The following HDLBP variants were observed in gnomAD, a reference collection of about 807,000 sequenced individuals.
HDLBP encodes the protein high density lipoprotein binding protein, also known as vigilin.
Under a neutral mutation model 137.3 loss-of-function variants are expected in HDLBP, and 30 were observed. That is an observed-to-expected ratio of 0.22 (90% CI 0.16 to 0.30). The LOEUF is 0.30. Ranked by LOEUF, HDLBP falls within the 10% of genes least tolerant of loss-of-function variation. HDLBP has a pLI of 1.00. For missense variants in HDLBP, 1,119 were observed against 1,667.3 expected (o/e 0.67, Z 5.73); for synonymous variants, 606 against 596.0 (o/e 1.02, Z -0.24).
intron 2 of HDLBP, among the ~76,000 whole-genome samples, chr2:241,268,226 A>G (rs2073823123): frequency 6.6e-6 from 1 of 152,262 alleles, no homozygotes; most frequent in Non-Finnish European, 1.5e-5. Context: ...CTGAATAAAC[A>G]TAATTCACAT....
chr2:241,248,191 G>A, intron 13 of HDLBP, 53 bp downstream of exon 13: 1 of 1,550,658 alleles, frequency 6.4e-7, no homozygotes, highest in Non-Finnish European at 8.9e-7. Flanking sequence ...TATTCCTGAA[G>A]TGTGACTTGG....
At chr2:241,279,965 G>C in intron 1 of HDLBP, 1 of 985,410 alleles carries the variant, frequency 1.0e-6, no homozygotes, top group Non-Finnish European at 1.2e-6. Flanking sequence ...CGCTGCAGTG[G>C]AGCCATGCTG....
At chr2:241,235,058 C>A in intron 23 of HDLBP, 63 bp downstream of exon 23, 1 of 1,581,604 alleles carries the variant, frequency 6.3e-7, no homozygotes. Context: ...TCCCTAGATT[C>A]TGACATGTGC....
intron 1 of HDLBP, among the ~76,000 whole-genome samples, chr2:241,280,622 G>A (rs533670258): frequency 3.5e-4 from 54 of 152,208 alleles, no homozygotes; most frequent in South Asian, 3.5e-3. Flanking sequence ...TGTTTTATCC[G>A]AGTCATTATA....
At position 241,238,106 on chromosome 2, in the gene HDLBP, G is replaced by C. The variant is rs1049397602; in HGVS notation, c.2749+543C>G. Among the ~76,000 whole-genome samples the C allele has an allele frequency of 3.3e-5, 5 of 152,240 alleles. No homozygotes were observed. The highest frequency in any genetic ancestry group is 7.3e-5 in the Non-Finnish European group (5 of 68,044). On this transcript the variant is annotated intron_variant, in intron 20 of 27. Transcript: ENST00000310931. This position sits in a 1 kb window ranked among gnomAD's most constrained non-coding sequence, Gnocchi z 4.9. Reference sequence around the variant, plus strand: ...TTTCACAAATGCAGAGCAAGTGAGAGAGAGGCAACCGACCCGCATCCCACA... The same window carrying C: ...TTTCACAAATGCAGAGCAAGTGAGACAGAGGCAACCGACCCGCATCCCACA...
intron 2 of HDLBP, chr2:241,267,835 C>G: frequency 6.9e-7 from 1 of 1,442,580 alleles, no homozygotes; most frequent in East Asian, 2.6e-5. Context: ...GGACAGAACT[C>G]GCACAGCAGG....
rs189391910 is a variant in HDLBP at position 241,267,243 on chromosome 2, A to C, written c.-37-337T>G. 3.6e-3 allele frequency among the ~76,000 whole-genome samples: 548 copies of C among 152,280 alleles called. 2 individuals are homozygous for C. Among genetic ancestry groups the C allele is most frequent in the Non-Finnish European group, 5.0e-3 (343 of 68,016 alleles). On this transcript the variant is annotated intron_variant, in intron 2 of 27. Transcript: ENST00000310931. The stretch of plus-strand genomic sequence containing the variant: ...AACAAAACAAAACAAACAAAAAAAA[A>C]CCTCATGTTTTAAGAAAGTTTAAGA...
chr2:241,295,646 T>C (rs919876351), intron 1 of HDLBP, among the ~76,000 whole-genome samples: 5 of 152,178 alleles, frequency 3.3e-5, no homozygotes, highest in African/African-American at 1.2e-4. Context: ...AGATAGGGAA[T>C]CCCAATCCCT....
intron 1 of HDLBP, among the ~76,000 whole-genome samples, chr2:241,290,361 A>G (rs1392749703): frequency 6.6e-6 from 1 of 152,206 alleles, no homozygotes. Flanking sequence ...CTGTAATCCC[A>G]GCACCTTGAA....
chr2:241,251,450 C>T, intron 11 of HDLBP, among the ~76,000 whole-genome samples: 1 of 152,318 alleles, frequency 6.6e-6, no homozygotes, highest in South Asian at 2.1e-4. Context: ...AGCACAGCTG[C>T]CAAGGCTATG....
At chr2:241,287,836 AG>A (rs151134192) in intron 1 of HDLBP, among the ~76,000 whole-genome samples, 17 of 152,388 alleles carry the variant, frequency 1.1e-4, no homozygotes, top group African/African-American at 3.8e-4. Context: ...GCAAAAGGAC[AG>A]GAAGTCCAGA....
In HDLBP at chr2:241,272,698, G is replaced by A. The variant is rs1574995702; in HGVS notation, c.-102-4157C>T. The A allele has an allele frequency of 3.7e-6, 2 of 538,402 alleles. No individual in the cohort carries two copies. The highest frequency in any genetic ancestry group is 2.1e-6 in the Non-Finnish European group (1 of 486,938). 33.4% of individuals were successfully genotyped at this position (538,402 alleles called of 1,614,324 possible). A position where few individuals can be genotyped will look rare whatever the true frequency, so the allele number is the denominator to read the frequency against. On this transcript the variant is annotated intron_variant, in intron 1 of 27. Transcript: ENST00000310931. The surrounding 1 kb of genome is among the most constrained non-coding windows in gnomAD (Gnocchi z 5.6). ...GCAGCCACCCCCCACCCCCCCGCCC[G>A]GCAGCCCGCCCGCCCCGTCCGCCCG...
At chr2:241,268,412 T>C in intron 2 of HDLBP, 65 bp downstream of exon 2, 3 of 959,334 alleles carry the variant, frequency 3.1e-6, no homozygotes, top group Non-Finnish European at 3.7e-6. Flanking sequence ...AAAATACGCA[T>C]CCCTGCGCCC....
At chr2:241,258,262 G>A (rs965701195) in intron 5 of HDLBP, among the ~76,000 whole-genome samples, 1 of 151,162 alleles carries the variant, frequency 6.6e-6, no homozygotes, top group Non-Finnish European at 1.5e-5. Context: ...CAGGCGAATG[G>A]CGTGAACCCG....
At chr2:241,251,649 G>A (rs987997242) in intron 11 of HDLBP, among the ~76,000 whole-genome samples, 6 of 152,194 alleles carry the variant, frequency 3.9e-5, no homozygotes, top group Non-Finnish European at 5.9e-5. Flanking sequence ...GAGTGTGTGA[G>A]TATAGCCATA....
intron 3 of HDLBP, among the ~76,000 whole-genome samples, chr2:241,265,133 T>C (rs1320199318): frequency 6.6e-6 from 1 of 152,204 alleles, no homozygotes; most frequent in Non-Finnish European, 1.5e-5. Flanking sequence ...ATGATTGCCG[T>C]GGAGGCCGGG....
chr2:241,298,045 C>CAAAAAAA (rs71049568), intron 1 of HDLBP, among the ~76,000 whole-genome samples: 2 of 23,402 alleles, frequency 8.5e-5, no homozygotes, highest in African/African-American at 5.3e-4. Context: ...GACCCTGTCT[C>CAAAAAAA]AAAAAAAAAA....
chr2:241,294,443 C>T (rs924448116), intron 1 of HDLBP, among the ~76,000 whole-genome samples: 4 of 152,144 alleles, frequency 2.6e-5, no homozygotes, highest in Non-Finnish European at 5.9e-5. Context: ...TCTACAGACA[C>T]GTAAATTTCT....
At chr2:241,253,248 G>T in intron 10 of HDLBP, 145 bp downstream of exon 10, 1 of 714,344 alleles carries the variant, frequency 1.4e-6, no homozygotes, top group Non-Finnish European at 2.6e-6. Flanking sequence ...GCTTCTGGTT[G>T]TTTCAGAACC....
Sources: gnomAD v4.1 joint callset for allele counts (sites outside exome capture counted in the v4.1 genomes callset) on GRCh38, gnomAD v4.1.1 for gene constraint, Gnocchi (gnomAD v3.1) non-coding constraint, MANE v1.5 for transcripts, NCBI Gene and HGNC (gene_info 2026-07-23, HGNC 2026-07-21) for gene names.